DPYSL2: variants seen among roughly 807,000 people sequenced by gnomAD.
DPYSL2 encodes the protein dihydropyrimidinase-related protein 2.
Under a neutral mutation model 69.9 loss-of-function variants are expected in DPYSL2, and 13 were observed. The ratio of observed to expected loss-of-function variants is 0.19; its 90% confidence interval spans 0.12 to 0.30. The LOEUF is 0.30. Among genes scored for constraint, DPYSL2 ranks in the 10% least tolerant of loss-of-function variants. The probability of loss-of-function intolerance (pLI) is 1.00; values close to 1 mark genes in which losing one functional copy is unlikely to be tolerated. For synonymous variants in DPYSL2, 326 were observed against 359.1 expected, an observed-to-expected ratio of 0.91 and a Z score of 1.04; for missense variants, 587 against 918.9, an observed-to-expected ratio of 0.64 and a Z score of 4.67.
intron 3 of DPYSL2, among the ~76,000 whole-genome samples, chr8:26,615,554 G>A (rs1043035958): frequency 6.6e-6 from 1 of 152,102 alleles, no homozygotes; most frequent in Admixed American, 6.5e-5. Flanking sequence ...TGGAGGAAGA[G>A]GCTAAAGTTG....
intron 7 of DPYSL2, among the ~76,000 whole-genome samples, chr8:26,633,861 T>C (rs957360295): frequency 1.3e-5 from 2 of 152,248 alleles, no homozygotes; most frequent in Non-Finnish European, 2.9e-5. Flanking sequence ...TGGCTGGCCA[T>C]GTCTGTGCTT....
chr8:26,651,560 C>T (rs1467649060), intron 11 of DPYSL2, among the ~76,000 whole-genome samples: 3 of 152,192 alleles, frequency 2.0e-5, no homozygotes, highest in Non-Finnish European at 4.4e-5. Flanking sequence ...TGGAATGACT[C>T]CTGTGCAATG....
intron 1 of DPYSL2, among the ~76,000 whole-genome samples, chr8:26,557,131 A>G (rs1801001256): frequency 6.6e-6 from 1 of 152,164 alleles, no homozygotes; most frequent in Admixed American, 6.5e-5. Flanking sequence ...CTAGAATATA[A>G]CATAGAAGAT....
At position 26,514,880 on chromosome 8, in the gene DPYSL2, A is replaced by T. The variant is rs1170960730; in HGVS notation, c.354+201A>T. ...CTGGGCGGTGGGCGGCCGTGCGCCC[A>T]CAAAGGCTGCCCGCGTCTCCTTGAG... On this transcript the variant is annotated intron_variant, in intron 1 of 13. Coordinates refer to ENST00000521913, the MANE Select transcript of DPYSL2 (RefSeq NM_001197293.3). The surrounding 1 kb of genome is among the most constrained non-coding windows in gnomAD (Gnocchi z 8.4). Among the ~76,000 whole-genome samples, 2 of 152,120 alleles carry T rather than the reference A, an allele frequency of 1.3e-5. No homozygotes were observed. Among genetic ancestry groups the T allele is most frequent in the African/African-American group, 4.8e-5 (2 of 41,436 alleles).
chr8:26,554,724 C>T (rs1185662753), intron 1 of DPYSL2, among the ~76,000 whole-genome samples: 1 of 152,088 alleles, frequency 6.6e-6, no homozygotes, highest in Non-Finnish European at 1.5e-5. Context: ...TCTCTATAAT[C>T]TTTTCCAGAA....
At chr8:26,646,520 T>C (rs1360847994) in intron 10 of DPYSL2, among the ~76,000 whole-genome samples, 2 of 152,170 alleles carry the variant, frequency 1.3e-5, no homozygotes, top group Admixed American at 6.5e-5. Context: ...AGAGTGAAAA[T>C]TTTTTCCTAT....
chr8:26,558,393 C>G (rs1801022923), intron 1 of DPYSL2, among the ~76,000 whole-genome samples: 1 of 152,138 alleles, frequency 6.6e-6, no homozygotes, highest in Non-Finnish European at 1.5e-5. Flanking sequence ...AAAGGAGTCA[C>G]TAAAAAGATC....
At chr8:26,578,504 A>G in intron 1 of DPYSL2, 2 of 1,428,476 alleles carry the variant, frequency 1.4e-6, no homozygotes, top group Admixed American at 2.9e-5. Context: ...GGCATTAAAC[A>G]GGAGCGCGAG....
intron 8 of DPYSL2, among the ~76,000 whole-genome samples, chr8:26,639,980 G>A (rs77857230): frequency 0.014 from 2,072 of 152,216 alleles, 20 homozygotes; most frequent in Non-Finnish European, 0.019. Context: ...TGTTTGTTAG[G>A]GTCTGGCATA....
Position 26,514,756 on chromosome 8 carries a change from G to T in DPYSL2, c.354+77G>T, listed in dbSNP as rs753765042. 7.8e-7 allele frequency: 1 copy of T among 1,279,430 alleles called. No individual in the cohort carries two copies. Among genetic ancestry groups the T allele is most frequent in the Non-Finnish European group, 1.0e-6 (1 of 987,926 alleles). 79.3% of individuals were successfully genotyped at this position (1,279,430 alleles called of 1,614,324 possible). A position where few individuals can be genotyped will look rare whatever the true frequency, so the allele number is the denominator to read the frequency against. ...CCTCCCTCGCCCCTGAGCCCGGCGCGCCCGCCTTCATGCCCCGCCCTGGAC... is the reference window on the plus strand; with the variant it reads ...CCTCCCTCGCCCCTGAGCCCGGCGCTCCCGCCTTCATGCCCCGCCCTGGAC... On this transcript the variant is annotated intron_variant, in intron 1 of 13. Coordinates refer to ENST00000521913, the MANE Select transcript of DPYSL2 (RefSeq NM_001197293.3). The surrounding 1 kb of genome is among the most constrained non-coding windows in gnomAD (Gnocchi z 8.4).
chr8:26,563,704 T>C (rs1326310140), intron 1 of DPYSL2, among the ~76,000 whole-genome samples: 1 of 152,254 alleles, frequency 6.6e-6, no homozygotes, highest in Non-Finnish European at 1.5e-5. Flanking sequence ...TCTGAAGTTA[T>C]CCTTTGTATT....
At chr8:26,568,820 C>T (rs1423763867) in intron 1 of DPYSL2, among the ~76,000 whole-genome samples, 1 of 152,140 alleles carries the variant, frequency 6.6e-6, no homozygotes, top group African/African-American at 2.4e-5. Flanking sequence ...TGAGGGAGAT[C>T]TGCGGTATTT....
At chr8:26,611,956 T>A (rs1802239378) in intron 3 of DPYSL2, among the ~76,000 whole-genome samples, 1 of 152,206 alleles carries the variant, frequency 6.6e-6, no homozygotes, top group Admixed American at 6.5e-5. Context: ...CGCTTAGGCC[T>A]CAGGTTGATG....
In DPYSL2 at chr8:26,640,128, G is replaced by A. The variant is rs1803007868; in HGVS notation, c.1127-3311G>A. Reference sequence around the variant, plus strand: ...CTGATTTCCCACAGTTCCCACTTTGGATTTGTTCTCCTGCTTCTCGTCCAT... The same window carrying A: ...CTGATTTCCCACAGTTCCCACTTTGAATTTGTTCTCCTGCTTCTCGTCCAT... On this transcript the variant is annotated intron_variant, in intron 8 of 13. Coordinates refer to ENST00000521913, the MANE Select transcript of DPYSL2 (RefSeq NM_001197293.3). The surrounding 1 kb of genome is among the most constrained non-coding windows in gnomAD (Gnocchi z 4.2). Among the ~76,000 whole-genome samples the A allele has an allele frequency of 6.6e-6, 1 of 152,196 alleles. No homozygotes were observed. The highest frequency in any genetic ancestry group is 2.4e-5 in the African/African-American group (1 of 41,444).
Position 26,651,583 on chromosome 8 carries a change from T to C in DPYSL2, c.1597-674T>C, listed in dbSNP as rs191538366. Among the ~76,000 whole-genome samples the C allele has an allele frequency of 1.5e-3, 227 of 152,372 alleles. 1 individual carries two copies. The highest frequency in any genetic ancestry group is 5.3e-3 in the African/African-American group (221 of 41,596). Reference sequence around the variant, plus strand: ...CTCCTGTGCAATGACTCCTGTGTTCTGTTGCTTCATTACCAACCACAAACT... The same window carrying C: ...CTCCTGTGCAATGACTCCTGTGTTCCGTTGCTTCATTACCAACCACAAACT... On this transcript the variant is annotated intron_variant, in intron 11 of 13. Transcript: ENST00000521913.
Position 26,514,220 on chromosome 8 carries a change from CGGCAGCCGCGGCAGCAGCTAG to C in DPYSL2, c.-103_-83del. 4 of 1,045,736 alleles carry C rather than the reference CGGCAGCCGCGGCAGCAGCTAG, an allele frequency of 3.8e-6. No homozygotes were observed. Among genetic ancestry groups the C allele is most frequent in the Non-Finnish European group, 5.1e-6 (4 of 781,168 alleles). The allele number at this position is 1,045,736 out of a possible 1,614,324, so 64.8% of individuals were successfully genotyped here. On this transcript the variant is annotated 5_prime_UTR_variant, in exon 1 of 14. Coordinates refer to ENST00000521913, the MANE Select transcript of DPYSL2 (RefSeq NM_001197293.3). The surrounding 1 kb of genome is among the most constrained non-coding windows in gnomAD (Gnocchi z 8.4). ...TGTGCACCTTGCGGTGGGCGGCGAA[CGGCAGCCGCGGCAGCAGCTAG>C]GGGGCTTGTGCACACAGCGAGGGAG...
intron 1 of DPYSL2, chr8:26,578,426 C>A: frequency 6.5e-7 from 1 of 1,539,276 alleles, no homozygotes; most frequent in Non-Finnish European, 8.7e-7. Flanking sequence ...CTAACGGAGG[C>A]GATGGTGATG....
rs182669496 is a variant in DPYSL2, at chr8:26,580,588, G to T, written c.355-1381G>T. Among the ~76,000 whole-genome samples, 1 of 151,178 alleles carries T rather than the reference G, an allele frequency of 6.6e-6. No homozygotes were observed. Among genetic ancestry groups the T allele is most frequent in the Non-Finnish European group, 1.5e-5 (1 of 67,486 alleles). On this transcript the variant is annotated intron_variant, in intron 1 of 13. Coordinates refer to ENST00000521913, the MANE Select transcript of DPYSL2 (RefSeq NM_001197293.3). This position sits in a 1 kb window ranked among gnomAD's most constrained non-coding sequence, Gnocchi z 4.1. The stretch of plus-strand genomic sequence containing the variant: ...GACAATAAATACTTTCTGAACCAAG[G>T]TGTGTGTATTTATGTGTAAAATTAT...
intron 1 of DPYSL2, among the ~76,000 whole-genome samples, chr8:26,526,525 G>T (rs890648947): frequency 6.6e-6 from 1 of 152,056 alleles, no homozygotes; most frequent in Non-Finnish European, 1.5e-5. Flanking sequence ...TTTGCCAAAG[G>T]CTTTATTCAT....
Sources: allele counts gnomAD v4.1 joint callset (sites outside exome capture counted in the v4.1 genomes callset), GRCh38; gene constraint gnomAD v4.1.1; non-coding constraint Gnocchi (gnomAD v3.1); transcripts MANE v1.5; gene names NCBI Gene and HGNC (gene_info 2026-07-23, HGNC 2026-07-21).